Variants in LRRC20 observed in about 807,000 individuals in gnomAD.
LRRC20 encodes leucine rich repeat containing 20, also known as leucine-rich repeat-containing protein 20.
A neutral mutation model predicts 14.4 loss-of-function variants in LRRC20; 11 were observed. The ratio of observed to expected loss-of-function variants is 0.77; its 90% CI spans 0.48 to 1.27. The LOEUF (loss-of-function observed/expected upper bound fraction) is 1.27, where lower values mean the gene tolerates loss of function less well. LRRC20 is among the 50% of genes most tolerant of loss of function. The probability of loss-of-function intolerance (pLI) is 0.00; values close to 1 mark genes in which losing one functional copy is unlikely to be tolerated. For missense variants in LRRC20, 219 were observed against 251.2 expected (o/e 0.87, Z 0.87); for synonymous variants, 121 against 107.3 (o/e 1.13, Z -0.79).
At chr10:70,377,806 G>A (rs1393809359) in intron 1 of LRRC20, among the ~76,000 whole-genome samples, 3 of 152,248 alleles carry the variant, frequency 2.0e-5, no homozygotes, top group African/African-American at 7.2e-5. Context: ...CTGCTTCAGG[G>A]AGTTACTGTG....
At chr10:70,304,505 T>TATATATATA (rs1283512949) in intron 4 of LRRC20, among the ~76,000 whole-genome samples, 2 of 128,718 alleles carry the variant, frequency 1.6e-5, no homozygotes, top group African/African-American at 6.1e-5. Context: ...TATATATATA[T>TATATATATA]ATTTTACTAA....
intron 1 of LRRC20, among the ~76,000 whole-genome samples, chr10:70,378,432 C>T (rs987642074): frequency 6.6e-5 from 10 of 150,404 alleles, no homozygotes; most frequent in African/African-American, 2.2e-4. Context: ...CACTTGAGGT[C>T]GGGAGTTGGA....
At chr10:70,326,802 G>A (rs187294635) in intron 3 of LRRC20, among the ~76,000 whole-genome samples, 4 of 152,206 alleles carry the variant, frequency 2.6e-5, no homozygotes, top group Non-Finnish European at 5.9e-5. Flanking sequence ...ACAGGCACCC[G>A]CCACCACGCC....
At chr10:70,352,958 C>T (rs1198082363) in intron 2 of LRRC20, among the ~76,000 whole-genome samples, 1 of 152,104 alleles carries the variant, frequency 6.6e-6, no homozygotes, top group Non-Finnish European at 1.5e-5. Flanking sequence ...AACTTTTTTC[C>T]AGGCAAAAAC....
chr10:70,315,992 C>A (rs979913141), intron 4 of LRRC20, among the ~76,000 whole-genome samples: 1 of 152,172 alleles, frequency 6.6e-6, no homozygotes, highest in Non-Finnish European at 1.5e-5. Context: ...GATAAGGCAT[C>A]CTTGCAAAGC....
intron 3 of LRRC20, among the ~76,000 whole-genome samples, chr10:70,328,059 A>T (rs2136966685): frequency 6.6e-6 from 1 of 152,150 alleles, no homozygotes; most frequent in East Asian, 1.9e-4. Flanking sequence ...GTTCCAACTC[A>T]TCAGGTGTCC....
In LRRC20 at chr10:70,347,854, A is replaced by AC. The variant is rs1589099746; in HGVS notation, c.83-7153_83-7152insG. ...AAAAACCCAAAAAACACACACACACAAAAAACAAGCAACATACAAGCCCTC... is the reference window on the plus strand; with the variant it reads ...AAAAACCCAAAAAACACACACACACACAAAAACAAGCAACATACAAGCCCTC... On this transcript the variant is annotated intron_variant, in intron 2 of 4. Coordinates refer to ENST00000446961, the MANE Select transcript of LRRC20 (RefSeq NM_001278212.2). Among the ~76,000 whole-genome samples the AC allele has an allele frequency of 2.2e-4, 33 of 150,698 alleles. No individual in the cohort carries two copies. The South Asian group carries it at 6.9e-3, about 31-fold the overall frequency.
chr10:70,315,060 C>T (rs1241717487), intron 4 of LRRC20, among the ~76,000 whole-genome samples: 1 of 152,158 alleles, frequency 6.6e-6, no homozygotes, highest in Non-Finnish European at 1.5e-5. Context: ...CTCCCTGTGC[C>T]TCGGTTTCCT....
intron 3 of LRRC20, among the ~76,000 whole-genome samples, chr10:70,337,084 G>A (rs1005074118): frequency 9.2e-5 from 14 of 152,194 alleles, no homozygotes; most frequent in African/African-American, 3.1e-4. Flanking sequence ...AGGGCCTTGG[G>A]CCTTGCAGAA....
chr10:70,309,566 C>T (rs1414610710), intron 4 of LRRC20, among the ~76,000 whole-genome samples: 7 of 152,204 alleles, frequency 4.6e-5, no homozygotes, highest in Non-Finnish European at 7.3e-5. Context: ...GACTGAAGCC[C>T]GGGCTAAGAG....
intron 2 of LRRC20, among the ~76,000 whole-genome samples, chr10:70,370,009 G>A (rs1180688611): frequency 6.6e-6 from 1 of 151,994 alleles, no homozygotes; most frequent in Non-Finnish European, 1.5e-5. Flanking sequence ...CCTGAGAAGT[G>A]GAGGCTCTAA....
rs542384569 is a variant in LRRC20, at chr10:70,379,552, A to G, written c.-63-2956T>C. 5.3e-5 allele frequency among the ~76,000 whole-genome samples: 8 copies of G among 152,348 alleles called. No individual in the cohort carries two copies. In the South Asian group the frequency reaches 1.2e-3, roughly 24 times the overall value. On this transcript the variant is annotated intron_variant, in intron 1 of 4. Transcript: ENST00000446961. ...CATCTCCTAGGTATGAGGGATAAGA[A>G]GGAAGAGGGAGAAAGAAATGCAGGA...
intron 2 of LRRC20, among the ~76,000 whole-genome samples, chr10:70,357,237 G>C (rs999987448): frequency 6.6e-6 from 1 of 152,210 alleles, no homozygotes; most frequent in South Asian, 2.1e-4. Context: ...GCATGGTACA[G>C]GGTTTCTTTT....
chr10:70,379,976 G>A (rs912421990), intron 1 of LRRC20, among the ~76,000 whole-genome samples: 2 of 152,186 alleles, frequency 1.3e-5, no homozygotes, highest in Admixed American at 6.5e-5. Context: ...ATCTAATGCG[G>A]CCGCTGGTCT....
At chr10:70,311,869 T>C (rs1400966041) in intron 4 of LRRC20, among the ~76,000 whole-genome samples, 7 of 152,186 alleles carry the variant, frequency 4.6e-5, no homozygotes, top group East Asian at 1.9e-4. Context: ...GAGTAATCAA[T>C]AATAGTAGAA....
intron 2 of LRRC20, among the ~76,000 whole-genome samples, chr10:70,363,324 G>C (rs1026032952): frequency 2.0e-5 from 3 of 151,896 alleles, no homozygotes; most frequent in African/African-American, 7.3e-5. Flanking sequence ...GAAGGAAAAA[G>C]AGAGAGGAAG....
intron 2 of LRRC20, among the ~76,000 whole-genome samples, chr10:70,352,227 CTTTTT>C (rs34835020): frequency 6.7e-6 from 1 of 150,228 alleles, no homozygotes; most frequent in African/African-American, 2.5e-5. Context: ...TACGTTTAAG[CTTTTT>C]TTTTTTTTAA....
chr10:70,338,980 C>T (rs1009624674), intron 3 of LRRC20, among the ~76,000 whole-genome samples: 1 of 151,798 alleles, frequency 6.6e-6, no homozygotes, highest in African/African-American at 2.4e-5. Flanking sequence ...TATGTTTTTA[C>T]ACCTCTTGGG....
chr10:70,324,043 G>A lies in LRRC20; in HGVS notation c.233-13C>T, dbSNP rs770201009. On this transcript the variant is annotated splice_polypyrimidine_tract_variant and intron_variant, in intron 3 of 4. Transcript: ENST00000446961. The stretch of plus-strand genomic sequence containing the variant: ...TCCAGGTGGAGCTCTGCCACGTGCA[G>A]GGAAGGAGAGAGAACAGGATGAGGA... The A allele has an allele frequency of 2.5e-6, 4 of 1,612,950 alleles. No individual in the cohort carries two copies. Among genetic ancestry groups the A allele is most frequent in the East Asian group, 4.5e-5 (2 of 44,888 alleles).
Sources: allele counts gnomAD v4.1 joint callset (sites outside exome capture counted in the v4.1 genomes callset), GRCh38; gene constraint gnomAD v4.1.1; transcripts MANE v1.5; gene names NCBI Gene and HGNC (gene_info 2026-07-23, HGNC 2026-07-21).